CLIC5: variants seen among roughly 807,000 people sequenced by gnomAD.
CLIC5 encodes chloride intracellular channel protein 5.
In CLIC5, 20 loss-of-function variants were observed where a neutral mutation model predicts 24.7. That is an observed-to-expected ratio of 0.81 (90% CI 0.57 to 1.18). CLIC5 has a LOEUF of 1.18. Ranked by LOEUF, CLIC5 falls within the 50% of genes most tolerant of loss-of-function variation. The pLI is 0.00. For synonymous variants in CLIC5, 159 were observed against 135.6 expected, an observed-to-expected ratio of 1.17 and a Z score of -1.20; for missense variants, 341 against 326.1, an observed-to-expected ratio of 1.05 and a Z score of -0.35.
chr6:45,935,232 A>C (rs1188935419), intron 4 of CLIC5, among the ~76,000 whole-genome samples: 2 of 152,194 alleles, frequency 1.3e-5, no homozygotes, highest in Non-Finnish European at 2.9e-5. Context: ...GTAGGTGTCA[A>C]AGAAACCCCT....
chr6:45,918,952 A>G, intron 4 of CLIC5: 1 of 985,404 alleles, frequency 1.0e-6, no homozygotes, highest in Non-Finnish European at 1.2e-6. Context: ...ACATACGCTT[A>G]TGCAAGCACA....
At chr6:46,050,072 A>G (rs1047883248) in intron 1 of CLIC5, among the ~76,000 whole-genome samples, 2 of 152,150 alleles carry the variant, frequency 1.3e-5, no homozygotes, top group African/African-American at 4.8e-5. Flanking sequence ...AATTGCCAAT[A>G]TATCTCCTCA....
At chr6:45,984,381 T>C (rs1338466) in intron 1 of CLIC5, among the ~76,000 whole-genome samples, 118,743 of 152,078 alleles carry the variant, frequency 0.78, 46,613 homozygotes, top group South Asian at 0.87. Flanking sequence ...GGAAGGGACA[T>C]TTGACAGGTG....
chr6:46,015,967 C>T, upstream of CLIC5: 11 of 915,858 alleles, frequency 1.2e-5, no homozygotes, highest in Non-Finnish European at 1.4e-5. Flanking sequence ...TGGGCCGGGC[C>T]ACGGCCCCCC....
chr6:46,044,836 A>C (rs1767911056), intron 1 of CLIC5, among the ~76,000 whole-genome samples: 1 of 152,238 alleles, frequency 6.6e-6, no homozygotes. Context: ...TGAAAGAACA[A>C]TAGCTCAAAT....
At chr6:45,911,209 T>C (rs1762807319) in intron 5 of CLIC5, among the ~76,000 whole-genome samples, 1 of 152,214 alleles carries the variant, frequency 6.6e-6, no homozygotes, top group Admixed American at 6.5e-5. Flanking sequence ...TCCTAGTATA[T>C]TTTGCCTTTC....
intron 6 of CLIC5, among the ~76,000 whole-genome samples, chr6:45,888,925 A>G (rs555011862): frequency 6.6e-6 from 1 of 152,324 alleles, no homozygotes; most frequent in South Asian, 2.1e-4. Flanking sequence ...ATATTTATTC[A>G]TTGCAGCATT....
intron 1 of CLIC5, among the ~76,000 whole-genome samples, chr6:45,978,100 TA>T (rs1174632687): frequency 6.6e-6 from 1 of 152,220 alleles, no homozygotes; most frequent in Non-Finnish European, 1.5e-5. Flanking sequence ...TGCTCCTCAG[TA>T]AAGTAGAAAT....
At chr6:46,069,641 A>T (rs1428511933) in intron 1 of CLIC5, among the ~76,000 whole-genome samples, 2 of 152,138 alleles carry the variant, frequency 1.3e-5, no homozygotes, top group African/African-American at 4.8e-5. Flanking sequence ...ATCCTACCAG[A>T]TGTACAAAGA....
At position 46,005,998 on chromosome 6, in the gene CLIC5, ATT is replaced by A. The variant is rs1554160596; in HGVS notation, c.63+9480_63+9481del. Among the ~76,000 whole-genome samples, 39 of 115,556 alleles carry A rather than the reference ATT, an allele frequency of 3.4e-4. No individual in the cohort carries two copies. In the East Asian group the frequency reaches 7.6e-3, roughly 22 times the overall value. The allele number at this position is 115,556 out of a possible 152,430, so 75.8% of individuals were successfully genotyped here. On this transcript the variant is annotated intron_variant, in intron 1 of 5. Transcript: ENST00000339561. ...TATGTGTGTATATATATATATATATATTTATATATATATATATACACACATGT... is the reference window on the plus strand; with the variant it reads ...TATGTGTGTATATATATATATATATATATATATATATATATACACACATGT...
At chr6:45,964,430 G>A (rs1246377483) in intron 1 of CLIC5, among the ~76,000 whole-genome samples, 1 of 152,132 alleles carries the variant, frequency 6.6e-6, no homozygotes, top group Non-Finnish European at 1.5e-5. Flanking sequence ...GTGACTGCCT[G>A]GATGAATGGA....
At chr6:45,935,044 T>G (rs1448087707) in intron 4 of CLIC5, among the ~76,000 whole-genome samples, 1 of 152,260 alleles carries the variant, frequency 6.6e-6, no homozygotes, top group African/African-American at 2.4e-5. Context: ...TAGCACTTTC[T>G]GCCTAGATTA....
intron 1 of CLIC5, among the ~76,000 whole-genome samples, chr6:45,958,426 A>T (rs868827129): frequency 8.0e-4 from 42 of 52,606 alleles, no homozygotes; most frequent in African/African-American, 2.9e-3. Flanking sequence ...AGACAATTAT[A>T]TATATATATA....
chr6:45,972,330 A>T (rs918965037), intron 1 of CLIC5, among the ~76,000 whole-genome samples: 3 of 152,202 alleles, frequency 2.0e-5, no homozygotes, highest in African/African-American at 7.2e-5. Context: ...TGAGGATCAA[A>T]GGTGCTCTGA....
chr6:45,888,948 A>C (rs1762327369), intron 6 of CLIC5, among the ~76,000 whole-genome samples: 1 of 152,208 alleles, frequency 6.6e-6, no homozygotes, highest in African/African-American at 2.4e-5. Context: ...TTGTAGTAGC[A>C]AAAATTTGAA....
intron 1 of CLIC5, among the ~76,000 whole-genome samples, chr6:45,957,524 A>G (rs1764685125): frequency 1.3e-5 from 2 of 152,082 alleles, no homozygotes; most frequent in Non-Finnish European, 2.9e-5. Flanking sequence ...GGTCCTCCCC[A>G]GGTGCTGGGG....
In CLIC5 at chr6:45,985,300, T is replaced by C. The variant is rs138905316; in HGVS notation, c.64-30056A>G. Among the ~76,000 whole-genome samples the C allele has an allele frequency of 1.2e-3, 183 of 152,310 alleles. 1 individual carries two copies. The highest frequency in any genetic ancestry group is 4.2e-3 in the African/African-American group (175 of 41,562). Reference sequence around the variant, plus strand: ...AGGGAGCAGATCATGAAGCAATTCATTCTACCTTCAGGGTTTAATCTCATA... The same window carrying C: ...AGGGAGCAGATCATGAAGCAATTCACTCTACCTTCAGGGTTTAATCTCATA... On this transcript the variant is annotated intron_variant, in intron 1 of 5. Transcript: ENST00000339561.
At chr6:46,028,739 C>A (rs1395915042) in intron 1 of CLIC5, among the ~76,000 whole-genome samples, 1 of 152,264 alleles carries the variant, frequency 6.6e-6, no homozygotes, top group African/African-American at 2.4e-5. Flanking sequence ...GCACAGCCTC[C>A]CCCATTATCA....
At chr6:46,051,032 T>C (rs1443557751) in intron 1 of CLIC5, among the ~76,000 whole-genome samples, 1 of 152,178 alleles carries the variant, frequency 6.6e-6, no homozygotes, top group African/African-American at 2.4e-5. Flanking sequence ...GAATACCAAC[T>C]ACAAAAAGAT....
Sources: allele counts gnomAD v4.1 joint callset (sites outside exome capture counted in the v4.1 genomes callset), GRCh38; gene constraint gnomAD v4.1.1; transcripts MANE v1.5; gene names NCBI Gene and HGNC (gene_info 2026-07-23, HGNC 2026-07-21).